The following LRRTM1 variants were observed in gnomAD, a reference collection of about 807,000 sequenced individuals.
LRRTM1 encodes leucine rich repeat transmembrane neuronal 1.
In LRRTM1, 8 loss-of-function variants were observed where a neutral mutation model predicts 37.3. That is an observed-to-expected ratio of 0.21 (90% CI 0.13 to 0.39). LRRTM1 has a LOEUF of 0.39. LRRTM1 is among the 10% of genes least tolerant of loss of function. The probability of loss-of-function intolerance (pLI) is 1.00; values close to 1 mark genes in which losing one functional copy is unlikely to be tolerated. For missense variants in LRRTM1, 557 were observed against 691.0 expected (o/e 0.81, Z 2.17); for synonymous variants, 326 against 316.8 (o/e 1.03, Z -0.31).
Position 80,303,314 on chromosome 2 carries a change from C to G in LRRTM1, c.506G>C (p.Arg169Pro). 3 of 1,613,724 alleles carry G rather than the reference C, an allele frequency of 1.9e-6. No individual in the cohort carries two copies. Among genetic ancestry groups the G allele is most frequent in the Non-Finnish European group, 2.5e-6 (3 of 1,180,040 alleles). ...GGGCACAAACTGGATGGCGTTGGCC[C>G]GCATATGCAGCGTGGTGAGCTTCCG... ...GLRKLTTLHMRANAIQFVPVR... is the reference protein window; with the variant it reads ...GLRKLTTLHMPANAIQFVPVR... The change falls in exon 2 of 2, where the codon CGG becomes CCG. Residue 169 changes from arginine (R) to proline (P), a missense_variant. Arg to Pro is a moderately radical substitution (Grantham distance 103). Transcript: ENST00000295057. This position sits in a 1 kb window ranked among gnomAD's most constrained non-coding sequence, Gnocchi z 7.7.
In LRRTM1 at chr2:80,291,122, G is replaced by A. The variant is rs552822577; in HGVS notation, c.*307-1927C>T. On this transcript the variant is annotated intron_variant and NMD_transcript_variant, in intron 2 of 2. Transcript: ENST00000417012. ...GAATCTCAATTCCCTAGTTGCAAAC[G>A]AGAATGTTCCCTCTGACCAAAGATA... Among the ~76,000 whole-genome samples, 27 of 152,318 alleles carry A rather than the reference G, an allele frequency of 1.8e-4. No individual in the cohort carries two copies. In the East Asian group the frequency reaches 5.0e-3, roughly 28 times the overall value.
chr2:80,293,468 C>T (rs190245657), intron 2 of LRRTM1, among the ~76,000 whole-genome samples: 1 of 152,244 alleles, frequency 6.6e-6, no homozygotes, highest in Admixed American at 6.5e-5. Context: ...GACAGAAGAT[C>T]CAATCTTTAT....
At chr2:80,291,121 C>T (rs1024451743) in intron 2 of LRRTM1, among the ~76,000 whole-genome samples, 4 of 152,308 alleles carry the variant, frequency 2.6e-5, no homozygotes, top group African/African-American at 7.2e-5. Flanking sequence ...TAGTTGCAAA[C>T]GAGAATGTTC....
At position 80,302,692 on chromosome 2, in the gene LRRTM1, C is replaced by A; in HGVS notation, c.1128G>T (p.Ser376=). ...GAEPTSGHLL[S]AVTNRSDLGP... ...CCAGATCACTGCGGTTGGTGACGGCCGAGAGCAGGTGGCCGCTGGTGGGCT... is the reference window on the plus strand; with the variant it reads ...CCAGATCACTGCGGTTGGTGACGGCAGAGAGCAGGTGGCCGCTGGTGGGCT... Residue 376 remains serine (S), a synonymous_variant, in exon 2 of 2, where the codon TCG becomes TCT. Transcript: ENST00000295057. The surrounding 1 kb of genome is among the most constrained non-coding windows in gnomAD (Gnocchi z 6.4). 6.2e-7 allele frequency: 1 copy of A among 1,612,510 alleles called. No individual in the cohort carries two copies. Among genetic ancestry groups the A allele is most frequent in the Non-Finnish European group, 8.5e-7 (1 of 1,179,750 alleles).
rs750920574 is a variant in LRRTM1, at chr2:80,303,659, G to C, written c.161C>G (p.Ala54Gly). Reference protein sequence around the residue: ...RCEGRLLYCEALNLTEAPHNL... With the variant: ...RCEGRLLYCEGLNLTEAPHNL... ...GTGGGGCGCCTCGGTGAGGTTGAGC[G>C]CCTCGCAGTACAGCAGCCGCCCCTC... Residue 54 changes from alanine (A) to glycine (G), a missense_variant, in exon 2 of 2, where the codon GCG becomes GGG. By Grantham distance (60) the Ala-to-Gly change is moderately conservative. Coordinates refer to ENST00000295057, the MANE Select transcript of LRRTM1 (RefSeq NM_178839.5). The surrounding 1 kb of genome is among the most constrained non-coding windows in gnomAD (Gnocchi z 7.7). 6.8e-6 allele frequency: 11 copies of C among 1,612,768 alleles called. No individual in the cohort carries two copies. The highest frequency in any genetic ancestry group is 9.3e-6 in the Non-Finnish European group (11 of 1,179,398).
chr2:80,301,557 G>A (rs1443499074), downstream of LRRTM1, among the ~76,000 whole-genome samples: 2 of 152,234 alleles, frequency 1.3e-5, no homozygotes, highest in Non-Finnish European at 2.9e-5. Context: ...TTTAAAGGCT[G>A]AGTAAGGGTG....
intron 2 of LRRTM1, among the ~76,000 whole-genome samples, chr2:80,290,743 C>T (rs983875023): frequency 2.0e-5 from 3 of 152,084 alleles, no homozygotes; most frequent in African/African-American, 7.2e-5. Context: ...ATGTTTGCTC[C>T]CTCAGTGCCA....
At chr2:80,289,128 C>T (rs1385431313) in exon 3 of LRRTM1, 1 of 152,146 alleles carries the variant, frequency 6.6e-6, no homozygotes, top group Non-Finnish European at 1.5e-5. Flanking sequence ...GAAGATCTAG[C>T]AGATATATGC....
At chr2:80,300,164 G>A (rs942440061), downstream of LRRTM1, among the ~76,000 whole-genome samples, 2 of 151,976 alleles carry the variant, frequency 1.3e-5, no homozygotes, top group Non-Finnish European at 2.9e-5. Flanking sequence ...CTCTCTTCTA[G>A]AACACTAATA....
intron 2 of LRRTM1, among the ~76,000 whole-genome samples, chr2:80,291,234 G>A (rs1342842032): frequency 6.6e-6 from 1 of 152,230 alleles, no homozygotes; most frequent in Non-Finnish European, 1.5e-5. Context: ...GTTGATAAGC[G>A]ATAGCAAAGG....
Position 80,303,647 on chromosome 2 carries a change from G to A in LRRTM1, c.173C>T (p.Thr58Ile). ...RLLYCEALNL[T>I]EAPHNLSGLL... ...GCCGGACAGGTTGTGGGGCGCCTCG[G>A]TGAGGTTGAGCGCCTCGCAGTACAG... Residue 58 changes from threonine (T) to isoleucine (I), a missense_variant, in exon 2 of 2, where the codon ACC becomes ATC. Physicochemically the swap from Thr to Ile is moderately conservative, Grantham distance 89 (BLOSUM62 -1). Around this residue, in one of 5 missense-constraint regions of LRRTM1, gnomAD observed 140 missense variants for 138.1 expected, o/e 1.01. Transcript: ENST00000295057. This position sits in a 1 kb window ranked among gnomAD's most constrained non-coding sequence, Gnocchi z 7.7. 1.9e-6 allele frequency: 3 copies of A among 1,613,316 alleles called. No homozygotes were observed. Among genetic ancestry groups the A allele is most frequent in the East Asian group, 2.2e-5 (1 of 44,834 alleles).
intron 2 of LRRTM1, among the ~76,000 whole-genome samples, chr2:80,294,479 C>T (rs1025653004): frequency 2.0e-5 from 3 of 151,754 alleles, no homozygotes; most frequent in African/African-American, 7.3e-5. Flanking sequence ...GCCCTGACCC[C>T]ATGGAGCCCA....
intron 2 of LRRTM1, among the ~76,000 whole-genome samples, chr2:80,290,300 T>A (rs1042483099): frequency 6.6e-6 from 1 of 152,158 alleles, no homozygotes; most frequent in African/African-American, 2.4e-5. Context: ...AAGGAGCTGA[T>A]AAGACAAAGT....
At chr2:80,293,702 C>G (rs1353840270) in intron 2 of LRRTM1, among the ~76,000 whole-genome samples, 1 of 152,170 alleles carries the variant, frequency 6.6e-6, no homozygotes, top group East Asian at 1.9e-4. Flanking sequence ...GTAGAATTAT[C>G]ACCACTCCAC....
At chr2:80,300,518 T>G (rs555637539), downstream of LRRTM1, among the ~76,000 whole-genome samples, 1 of 152,064 alleles carries the variant, frequency 6.6e-6, no homozygotes, top group East Asian at 1.9e-4. Flanking sequence ...AAAAAGCTGA[T>G]TTTGCCTCCT....
At position 80,301,947 on chromosome 2, in the gene LRRTM1, T is replaced by G; in HGVS notation, c.*304A>C. ...AAAAAAAAATCAATGATTGGTACCT[T>G]TTTTACACTCTCAGATTCCTGAATA... On this transcript the variant is annotated 3_prime_UTR_variant, in exon 2 of 2. Transcript: ENST00000295057. The G allele has an allele frequency of 3.6e-6, 1 of 279,900 alleles. No homozygotes were observed. Among genetic ancestry groups the G allele is most frequent in the Non-Finnish European group, 6.6e-6 (1 of 151,880 alleles). 17.3% of individuals were successfully genotyped at this position (279,900 alleles called of 1,614,324 possible).
At position 80,295,088 on chromosome 2, in the gene LRRTM1, CT is replaced by C. The variant is rs554289781; in HGVS notation, c.*307-5894del. ...CTCTCATCTCCTTCTCCCACCTTGCCTTTTTTTCTTCTCAATCTCTCTTTCT... is the reference window on the plus strand; with the variant it reads ...CTCTCATCTCCTTCTCCCACCTTGCCTTTTTTCTTCTCAATCTCTCTTTCT... On this transcript the variant is annotated intron_variant and NMD_transcript_variant, in intron 2 of 2. Transcript: ENST00000417012. Among the ~76,000 whole-genome samples, 237 of 151,992 alleles carry C rather than the reference CT, an allele frequency of 1.6e-3. 2 individuals carry two copies. The highest frequency in any genetic ancestry group is 5.4e-3 in the African/African-American group (225 of 41,438).
intron 2 of LRRTM1, among the ~76,000 whole-genome samples, chr2:80,293,465 G>A (rs544469498): frequency 6.6e-6 from 1 of 152,176 alleles, no homozygotes; most frequent in Admixed American, 6.5e-5. Context: ...TATGACAGAA[G>A]ATCCAATCTT....
At position 80,303,993 on chromosome 2, in the gene LRRTM1, C is replaced by A; in HGVS notation, c.-59-115G>T. 1 of 642,380 alleles carries A rather than the reference C, an allele frequency of 1.6e-6. No homozygotes were observed. Among genetic ancestry groups the A allele is most frequent in the Non-Finnish European group, 2.4e-6 (1 of 408,200 alleles). 39.8% of individuals were successfully genotyped at this position (642,380 alleles called of 1,614,324 possible). On this transcript the variant is annotated intron_variant, in intron 1 of 1. Coordinates refer to ENST00000295057, the MANE Select transcript of LRRTM1 (RefSeq NM_178839.5). This position sits in a 1 kb window ranked among gnomAD's most constrained non-coding sequence, Gnocchi z 7.7. ...CCCCCCTCCCCAAAAACCACACGTT[C>A]ACCTCTAAGCATGCAGAAAGCTGGG...
Sources: gnomAD v4.1 joint callset for allele counts (sites outside exome capture counted in the v4.1 genomes callset) on GRCh38, gnomAD v4.1.1 for gene constraint, gnomAD v4.1.1 regional missense constraint, Gnocchi (gnomAD v3.1) non-coding constraint, MANE v1.5 for transcripts, NCBI Gene and HGNC (gene_info 2026-07-23, HGNC 2026-07-21) for gene names.